Variants in DNAJC3 observed in about 807,000 individuals in gnomAD.
The protein encoded by DNAJC3 is DnaJ heat shock protein family (Hsp40) member C3, also known as dnaJ homolog subfamily C member 3.
A neutral mutation model predicts 68.6 loss-of-function variants in DNAJC3; 38 were observed. The ratio of observed to expected loss-of-function variants is 0.55; its 90% CI spans 0.43 to 0.73. DNAJC3 has a LOEUF of 0.73. DNAJC3 is among the 30% of genes least tolerant of loss of function. The pLI, the probability that DNAJC3 is intolerant of heterozygous loss-of-function variation, is 0.00. For missense variants in DNAJC3, 526 were observed against 591.9 expected, an observed-to-expected ratio of 0.89 and a Z score of 1.16; for synonymous variants, 203 against 204.0, an observed-to-expected ratio of 1.00 and a Z score of 0.04.
rs955620959 is a variant in DNAJC3 at position 95,764,022 on chromosome 13, C to G, written c.1075+69C>G. ...AGGAAATTATCACATTTTAAGCTTC[C>G]TTTTCCTTAAAACAAATTTACCAGA... On this transcript the variant is annotated intron_variant, in intron 9 of 11. Coordinates refer to ENST00000602402, the MANE Select transcript of DNAJC3 (RefSeq NM_006260.5). 3.8e-6 allele frequency: 6 copies of G among 1,559,960 alleles called. No homozygotes were observed. In the Admixed American group the frequency reaches 8.0e-5, roughly 21 times the overall value.
chr13:95,742,476 A>G (rs1275804824), intron 4 of DNAJC3, among the ~76,000 whole-genome samples: 5 of 152,146 alleles, frequency 3.3e-5, no homozygotes, highest in African/African-American at 1.2e-4. Flanking sequence ...AGGGCCCACA[A>G]GGGTTGAGAG....
chr13:95,759,614 A>T (rs1882762253), intron 5 of DNAJC3, among the ~76,000 whole-genome samples: 1 of 152,212 alleles, frequency 6.6e-6, no homozygotes, highest in Non-Finnish European at 1.5e-5. Context: ...CCAATGTAGA[A>T]CCTAGGTTTT....
At chr13:95,694,489 A>G (rs1393832560) in intron 1 of DNAJC3, 1 of 152,624 alleles carries the variant, frequency 6.6e-6, no homozygotes, top group Non-Finnish European at 1.5e-5. Flanking sequence ...AATAAAGCAT[A>G]TGTCATTATT....
chr13:95,708,926 T>C (rs769413706), intron 1 of DNAJC3, among the ~76,000 whole-genome samples: 89 of 152,322 alleles, frequency 5.8e-4, no homozygotes, highest in Non-Finnish European at 1.1e-3. Flanking sequence ...TCAAACAATT[T>C]TCATTTTATT....
intron 9 of DNAJC3, among the ~76,000 whole-genome samples, chr13:95,764,707 C>CAT (rs1199317118): frequency 7.5e-4 from 37 of 49,656 alleles, no homozygotes; most frequent in South Asian, 1.2e-3. Flanking sequence ...TATATATATA[C>CAT]ATATATATAT....
chr13:95,761,688 C>G (rs573709189), intron 7 of DNAJC3, among the ~76,000 whole-genome samples: 18 of 152,114 alleles, frequency 1.2e-4, no homozygotes, highest in Non-Finnish European at 2.5e-4. Context: ...GTGGCAACCA[C>G]TAATCTATTC....
At position 95,763,820 on chromosome 13, in the gene DNAJC3, C is replaced by T. The variant is rs752427438; in HGVS notation, c.955-13C>T. On this transcript the variant is annotated splice_polypyrimidine_tract_variant and intron_variant, in intron 8 of 11. Transcript: ENST00000602402. ...ATACCAACCATAAATCCTTGTCTCACATTTCCTTTTAGGACGAGAAGCCTG... is the reference window on the plus strand; with the variant it reads ...ATACCAACCATAAATCCTTGTCTCATATTTCCTTTTAGGACGAGAAGCCTG... 9 of 1,613,924 alleles carry T rather than the reference C, an allele frequency of 5.6e-6. No homozygotes were observed. In the Middle Eastern group the frequency reaches 8.2e-4, roughly 147 times the overall value.
chr13:95,681,042 C>T (rs1439111981), intron 1 of DNAJC3, among the ~76,000 whole-genome samples: 4 of 152,324 alleles, frequency 2.6e-5, no homozygotes, highest in Middle Eastern at 3.4e-3. Context: ...GGTATATATA[C>T]GTAGCATAGA....
intron 1 of DNAJC3, among the ~76,000 whole-genome samples, chr13:95,704,321 C>T (rs550307796): frequency 1.3e-5 from 2 of 152,296 alleles, no homozygotes; most frequent in South Asian, 4.1e-4. Context: ...CCTGGACTGA[C>T]ATATTCTGGC....
At chr13:95,743,074 A>G (rs1377402451) in intron 4 of DNAJC3, 2 of 356,814 alleles carry the variant, frequency 5.6e-6, no homozygotes, top group Non-Finnish European at 1.1e-5. Flanking sequence ...CCTTATTCAA[A>G]AATCAGTTGG....
chr13:95,739,170 G>GT (rs1882038962), intron 4 of DNAJC3, among the ~76,000 whole-genome samples: 1 of 151,512 alleles, frequency 6.6e-6, no homozygotes, highest in African/African-American at 2.4e-5. Flanking sequence ...CTTCTGGCTT[G>GT]TAGGGTTTCT....
chr13:95,737,429 T>C lies in DNAJC3; in HGVS notation c.393+12177T>C, dbSNP rs1295748268. 9.9e-3 allele frequency among the ~76,000 whole-genome samples: 1,491 copies of C among 150,020 alleles called. 25 individuals are homozygous for C. Among genetic ancestry groups the C allele is most frequent in the African/African-American group, 0.035 (1,405 of 39,616 alleles). ...TCCTCCTTGTACCTCTGGTAGAATT[T>C]GGCTGTGAATCCATCTGGTCCTGGA... On this transcript the variant is annotated intron_variant, in intron 4 of 11. Transcript: ENST00000602402.
At chr13:95,727,747 T>TTAG (rs1881577506) in intron 4 of DNAJC3, among the ~76,000 whole-genome samples, 1 of 152,226 alleles carries the variant, frequency 6.6e-6, no homozygotes, top group African/African-American at 2.4e-5. Context: ...TTCCTCAATT[T>TTAG]TAGTAGTATT....
chr13:95,748,013 A>T (rs1882356724), intron 4 of DNAJC3, among the ~76,000 whole-genome samples: 1 of 152,174 alleles, frequency 6.6e-6, no homozygotes, highest in African/African-American at 2.4e-5. Context: ...ATAATTTGTA[A>T]TCTGTGAATT....
At chr13:95,778,695 A>C (rs1359321508) in intron 9 of DNAJC3, among the ~76,000 whole-genome samples, 2 of 152,230 alleles carry the variant, frequency 1.3e-5, no homozygotes, top group East Asian at 1.9e-4. Flanking sequence ...TTGAATTGAA[A>C]AACACCAAAA....
intron 5 of DNAJC3, among the ~76,000 whole-genome samples, chr13:95,758,490 T>C (rs1441002156): frequency 6.7e-6 from 1 of 148,284 alleles, no homozygotes; most frequent in Non-Finnish European, 1.5e-5. Flanking sequence ...AAAAAGAAAA[T>C]TAGCTGGGTG....
chr13:95,764,523 C>T (rs1463761897), intron 9 of DNAJC3, among the ~76,000 whole-genome samples: 2 of 149,106 alleles, frequency 1.3e-5, no homozygotes, highest in Non-Finnish European at 3.0e-5. Flanking sequence ...TTTGTTCAAG[C>T]CAAATGAAAT....
chr13:95,689,972 ACTTTTTTTTTTCTTTTT>A (rs1880182961), intron 1 of DNAJC3, among the ~76,000 whole-genome samples: 1 of 148,510 alleles, frequency 6.7e-6, no homozygotes, highest in Admixed American at 6.7e-5. Context: ...TATGATTTGG[ACTTTTTTTTTTCTTTTT>A]CTTTTTCTTT....
chr13:95,764,974 T>C (rs1440958113), intron 9 of DNAJC3, among the ~76,000 whole-genome samples: 1 of 151,944 alleles, frequency 6.6e-6, no homozygotes, highest in African/African-American at 2.4e-5. Flanking sequence ...GTGATACTCT[T>C]TTTAAGGCAA....
Sources: allele counts gnomAD v4.1 joint callset (sites outside exome capture counted in the v4.1 genomes callset), GRCh38; gene constraint gnomAD v4.1.1; transcripts MANE v1.5; gene names NCBI Gene and HGNC (gene_info 2026-07-23, HGNC 2026-07-21).